The following ATP1B3 variants were observed in gnomAD, a reference collection of about 807,000 sequenced individuals.
ATP1B3 encodes the protein sodium/potassium-transporting ATPase subunit beta-3.
A neutral mutation model predicts 30.2 loss-of-function variants in ATP1B3; 10 were observed. The ratio of observed to expected loss-of-function variants is 0.33; its 90% CI spans 0.20 to 0.56. The LOEUF (loss-of-function observed/expected upper bound fraction) is 0.56, where lower values mean the gene tolerates loss of function less well. Among genes scored for constraint, ATP1B3 ranks in the 20% least tolerant of loss-of-function variants. ATP1B3 has a pLI of 0.90. For missense variants in ATP1B3, 238 were observed against 336.7 expected, an observed-to-expected ratio of 0.71 and a Z score of 2.29; for synonymous variants, 113 against 117.0, an observed-to-expected ratio of 0.97 and a Z score of 0.22.
intron 1 of ATP1B3, among the ~76,000 whole-genome samples, chr3:141,887,371 T>C (rs1282382545): frequency 6.6e-6 from 1 of 152,210 alleles, no homozygotes; most frequent in Non-Finnish European, 1.5e-5. Context: ...GTAACACCAT[T>C]ATTTTTACAG....
At position 141,876,849 on chromosome 3, in the gene ATP1B3, G is replaced by T; in HGVS notation, c.48G>T (p.Trp16Cys). ...CCCTCAACCAGAGCCTGGCCGAGTG[G>T]AAGCTCTTCATCTACAACCCGACCA... ...KKSLNQSLAEWKLFIYNPTTG... is the reference protein window; with the variant it reads ...KKSLNQSLAECKLFIYNPTTG... Residue 16 changes from tryptophan to cysteine, a missense_variant, in exon 1 of 7, where the codon TGG (tryptophan) becomes TGT (cysteine). Physicochemically the swap from Trp to Cys is radical, Grantham distance 215. Around this residue, in one of 3 missense-constraint regions of ATP1B3, gnomAD observed 130 missense variants for 148.8 expected, o/e 0.87. Coordinates refer to ENST00000286371, the MANE Select transcript of ATP1B3 (RefSeq NM_001679.4). 1 of 1,586,944 alleles carries T rather than the reference G, an allele frequency of 6.3e-7. No homozygotes were observed. Among genetic ancestry groups the T allele is most frequent in the Non-Finnish European group, 8.6e-7 (1 of 1,166,458 alleles).
chr3:141,902,177 A>C, intron 1 of ATP1B3: 1 of 1,289,810 alleles, frequency 7.8e-7, no homozygotes, highest in Non-Finnish European at 1.0e-6. Flanking sequence ...TCTGAAGGTG[A>C]CATCCTGTTC....
intron 1 of ATP1B3, among the ~76,000 whole-genome samples, chr3:141,902,439 A>G (rs1238401340): frequency 1.3e-5 from 2 of 152,186 alleles, no homozygotes; most frequent in Non-Finnish European, 2.9e-5. Flanking sequence ...TGGGGGGAAA[A>G]TATATTCAGA....
intron 1 of ATP1B3, among the ~76,000 whole-genome samples, chr3:141,893,695 T>C (rs1352178603): frequency 6.6e-6 from 1 of 152,196 alleles, no homozygotes; most frequent in Non-Finnish European, 1.5e-5. Context: ...CTCATGTATA[T>C]GTGTGTGCAT....
At chr3:141,910,423 A>G (rs1934338440) in intron 3 of ATP1B3, among the ~76,000 whole-genome samples, 1 of 151,826 alleles carries the variant, frequency 6.6e-6, no homozygotes, top group Non-Finnish European at 1.5e-5. Flanking sequence ...ATTAATTATT[A>G]TTTATCACTT....
chr3:141,915,997 C>A lies in ATP1B3; in HGVS notation c.559C>A (p.Pro187Thr). The stretch of plus-strand genomic sequence containing the variant: ...AATTGGATTAAAGCCTGAAGGAGTG[C>A]CAAGGATAGATTGTGTTTCAAAGGT... The part of the protein sequence containing the change: ...RIIGLKPEGV[P>T]RIDCVSKNED... The change falls in exon 5 of 7, where the codon CCA (proline) becomes ACA (threonine). Residue 187 changes from proline (P) to threonine (T), a missense_variant. By Grantham distance (38) the Pro-to-Thr change is conservative (BLOSUM62 -1). Transcript: ENST00000286371. 6.2e-7 allele frequency: 1 copy of A among 1,605,948 alleles called. No homozygotes were observed. Among genetic ancestry groups the A allele is most frequent in the Non-Finnish European group, 8.5e-7 (1 of 1,175,826 alleles).
At chr3:141,877,020 G>T in intron 1 of ATP1B3, 110 bp downstream of exon 1, 1 of 780,484 alleles carries the variant, frequency 1.3e-6, no homozygotes, top group South Asian at 2.4e-5. Flanking sequence ...CGGGGCTCCC[G>T]ACCGCCCGAC....
At chr3:141,890,687 C>T (rs1933934425) in intron 1 of ATP1B3, among the ~76,000 whole-genome samples, 1 of 147,776 alleles carries the variant, frequency 6.8e-6, no homozygotes, top group South Asian at 2.1e-4. Context: ...ATCTGCCCAC[C>T]TCTGCCTCCC....
intron 2 of ATP1B3, among the ~76,000 whole-genome samples, chr3:141,904,030 C>A (rs1934216788): frequency 6.6e-6 from 1 of 152,208 alleles, no homozygotes; most frequent in South Asian, 2.1e-4. Context: ...GTGATCTGCC[C>A]CGCCTTGGCC....
chr3:141,897,055 A>G (rs1219367371), intron 1 of ATP1B3, among the ~76,000 whole-genome samples: 1 of 152,084 alleles, frequency 6.6e-6, no homozygotes, highest in Non-Finnish European at 1.5e-5. Context: ...TTTCCAGCCC[A>G]AGCTCCCTGT....
chr3:141,916,294 T>G (rs987467486), intron 5 of ATP1B3: 3 of 490,002 alleles, frequency 6.1e-6, no homozygotes, highest in Non-Finnish European at 1.2e-5. Flanking sequence ...TTCTGCCAGC[T>G]CAGTAACACT....
intron 1 of ATP1B3, among the ~76,000 whole-genome samples, chr3:141,887,379 C>T (rs1216109686): frequency 6.6e-6 from 1 of 152,200 alleles, no homozygotes; most frequent in African/African-American, 2.4e-5. Context: ...ATTATTTTTA[C>T]AGTACAGATG....
At chr3:141,914,018 C>CAA (rs3214585) in intron 4 of ATP1B3, among the ~76,000 whole-genome samples, 182 bp downstream of exon 4, 4 of 150,870 alleles carry the variant, frequency 2.7e-5, no homozygotes, top group Non-Finnish European at 5.9e-5. Context: ...GTTTATATGG[C>CAA]AAAAAAAAGA....
At chr3:141,917,005 C>A (rs559622675) in intron 5 of ATP1B3, among the ~76,000 whole-genome samples, 1 of 146,338 alleles carries the variant, frequency 6.8e-6, no homozygotes, top group South Asian at 2.2e-4. Flanking sequence ...GGACTACAGG[C>A]GCTCCCGGCT....
intron 3 of ATP1B3, 84 bp downstream of exon 3, chr3:141,907,358 GC>G (rs1934282340): frequency 1.0e-6 from 1 of 970,668 alleles, no homozygotes; most frequent in Admixed American, 2.5e-5. Flanking sequence ...GGTAGCTCAC[GC>G]CTGTAATCCC....
chr3:141,890,043 T>C (rs1232372032), intron 1 of ATP1B3, among the ~76,000 whole-genome samples: 1 of 149,064 alleles, frequency 6.7e-6, no homozygotes, highest in Admixed American at 6.7e-5. Context: ...TTATATTTGC[T>C]CAATTTTAAT....
chr3:141,907,367 C>A, intron 3 of ATP1B3, 93 bp downstream of exon 3: 1 of 984,776 alleles, frequency 1.0e-6, no homozygotes, highest in South Asian at 1.8e-5. Context: ...CGCCTGTAAT[C>A]CCAGCACTTT....
intron 1 of ATP1B3, among the ~76,000 whole-genome samples, chr3:141,896,513 A>C (rs893589737): frequency 1.3e-5 from 2 of 152,152 alleles, no homozygotes; most frequent in Non-Finnish European, 2.9e-5. Flanking sequence ...CAGCAGAACG[A>C]GACCCTGTCT....
intron 2 of ATP1B3, among the ~76,000 whole-genome samples, chr3:141,905,419 A>AT (rs1286185016): frequency 2.0e-5 from 3 of 152,308 alleles, no homozygotes; most frequent in African/African-American, 7.2e-5. Flanking sequence ...ACAACAAAGA[A>AT]TTATTCAGCC....
Sources: gnomAD v4.1 joint callset for allele counts (sites outside exome capture counted in the v4.1 genomes callset) on GRCh38, gnomAD v4.1.1 for gene constraint, gnomAD v4.1.1 regional missense constraint, MANE v1.5 for transcripts, NCBI Gene and HGNC (gene_info 2026-07-23, HGNC 2026-07-21) for gene names.